DPY19L3: variants seen among roughly 807,000 people sequenced by gnomAD.
DPY19L3 encodes protein C-mannosyl-transferase DPY19L3.
DPY19L3 carries 51 observed loss-of-function variants against 92.3 expected under a neutral mutation model. The observed-to-expected ratio is 0.55, with a 90% CI of 0.44 to 0.70. The LOEUF (loss-of-function observed/expected upper bound fraction) is 0.70. DPY19L3 is among the 30% of genes least tolerant of loss of function. DPY19L3 has a pLI of 0.00. For missense variants in DPY19L3, 706 were observed against 855.9 expected, an observed-to-expected ratio of 0.82 and a Z score of 2.18; for synonymous variants, 309 against 315.2, an observed-to-expected ratio of 0.98 and a Z score of 0.21.
At chr19:32,479,816 A>AC (rs1970619729) in intron 17 of DPY19L3, among the ~76,000 whole-genome samples, 1 of 152,124 alleles carries the variant, frequency 6.6e-6, no homozygotes, top group African/African-American at 2.4e-5. Context: ...AGTGGCTCTC[A>AC]CCCCTAGGAT....
chr19:32,417,041 C>G (rs1216230385), intron 3 of DPY19L3, among the ~76,000 whole-genome samples: 1 of 152,206 alleles, frequency 6.6e-6, no homozygotes, highest in African/African-American at 2.4e-5. Context: ...TCTGAAGAAC[C>G]TACCATGAAT....
chr19:32,474,262 T>C (rs932465780), intron 16 of DPY19L3, among the ~76,000 whole-genome samples: 8 of 152,244 alleles, frequency 5.3e-5, no homozygotes, highest in African/African-American at 1.7e-4. Flanking sequence ...TTTCTGACTT[T>C]TTGCTAATAA....
chr19:32,452,979 T>G (rs1178221610), intron 8 of DPY19L3, among the ~76,000 whole-genome samples, 166 bp from the exon 9 acceptor site: 1 of 151,986 alleles, frequency 6.6e-6, no homozygotes, highest in Non-Finnish European at 1.5e-5. Flanking sequence ...AGTGCTGAGA[T>G]TACAGATGTG....
At chr19:32,464,570 C>T (rs1432235255) in intron 14 of DPY19L3, among the ~76,000 whole-genome samples, 158 bp from the exon 15 acceptor site, 1 of 152,138 alleles carries the variant, frequency 6.6e-6, no homozygotes, top group Non-Finnish European at 1.5e-5. Flanking sequence ...GGCACAGTGG[C>T]TCACTCCTAT....
At chr19:32,445,865 A>G (rs1471560551) in intron 8 of DPY19L3, among the ~76,000 whole-genome samples, 1 of 151,858 alleles carries the variant, frequency 6.6e-6, no homozygotes, top group African/African-American at 2.4e-5. Context: ...GCCAGGTGTG[A>G]TGATGGGTGC....
In DPY19L3 at chr19:32,437,246, C is replaced by G. The variant is rs1401664741; in HGVS notation, c.503C>G (p.Ala168Gly). 1 of 1,613,854 alleles carries G rather than the reference C, an allele frequency of 6.2e-7. No homozygotes were observed. Among genetic ancestry groups the G allele is most frequent in the African/African-American group, 1.3e-5 (1 of 74,858 alleles). ...ATTTACACCTTATTTGGGCTCCAGG[C>G]GATCTATGTCACAGCTCTCTACATA... is the stretch of plus-strand genomic sequence containing the variant. Reference protein sequence around the residue: ...FYIYTLFGLQAIYVTALYITS... With the variant: ...FYIYTLFGLQGIYVTALYITS... Residue 168 changes from alanine to glycine, a missense_variant, in exon 6 of 19, where the codon GCG becomes GGG. By Grantham distance (60) the Ala-to-Gly change is moderately conservative. Coordinates refer to ENST00000392250, the MANE Select transcript of DPY19L3 (RefSeq NM_001172774.2).
At chr19:32,409,150 A>G (rs1968088908) in intron 2 of DPY19L3, among the ~76,000 whole-genome samples, 1 of 152,224 alleles carries the variant, frequency 6.6e-6, no homozygotes, top group South Asian at 2.1e-4. Flanking sequence ...CGTTTTGGAT[A>G]ATAGTACTTT....
intron 3 of DPY19L3, chr19:32,413,180 A>G (rs1415701385): frequency 6.6e-6 from 1 of 152,170 alleles, no homozygotes; most frequent in African/African-American, 2.4e-5. Context: ...AACACCTTCA[A>G]AGCCAAAGAT....
At chr19:32,472,747 C>T (rs1970395756) in intron 16 of DPY19L3, among the ~76,000 whole-genome samples, 1 of 152,110 alleles carries the variant, frequency 6.6e-6, no homozygotes, top group Non-Finnish European at 1.5e-5. Context: ...ATAGGCATAT[C>T]TATATATTTG....
intron 3 of DPY19L3, among the ~76,000 whole-genome samples, chr19:32,429,418 AT>A (rs1968885923): frequency 6.6e-6 from 1 of 152,246 alleles, no homozygotes; most frequent in African/African-American, 2.4e-5. Context: ...CATGAAGCAG[AT>A]GTAAAACTTG....
intron 16 of DPY19L3, among the ~76,000 whole-genome samples, chr19:32,469,516 AAAAAG>A (rs953918892): frequency 5.9e-5 from 9 of 151,994 alleles, no homozygotes; most frequent in Non-Finnish European, 1.0e-4. Flanking sequence ...AAAAGAAAGA[AAAAAG>A]AAAAAATATT....
rs181265924 is a variant in DPY19L3, at chr19:32,477,404, T to C, written c.1698-118T>C. The stretch of plus-strand genomic sequence containing the variant: ...GAAGCAAACTCCCGTTTTTTTTCCC[T>C]GACTCGTAACACTTGGTAACATAGC... On this transcript the variant is annotated intron_variant, in intron 16 of 18. Coordinates refer to ENST00000392250, the MANE Select transcript of DPY19L3 (RefSeq NM_001172774.2). 1,344 of 1,344,164 alleles carry C rather than the reference T, an allele frequency of 1.0e-3. 11 individuals carry two copies. The African/African-American group carries it at 0.018, about 18-fold the overall frequency. The allele number at this position is 1,344,164 out of a possible 1,614,324, so 83.3% of individuals were successfully genotyped here. A position where few individuals can be genotyped will look rare whatever the true frequency, so the allele number is the denominator to read the frequency against.
chr19:32,460,687 C>T (rs994939072), intron 12 of DPY19L3, among the ~76,000 whole-genome samples: 4 of 152,154 alleles, frequency 2.6e-5, no homozygotes, highest in South Asian at 2.1e-4. Context: ...TATAATCTTA[C>T]GAATCCACTG....
chr19:32,464,036 C>G, intron 14 of DPY19L3, 56 bp downstream of exon 14: 1 of 1,216,046 alleles, frequency 8.2e-7, no homozygotes, highest in Non-Finnish European at 1.2e-6. Context: ...TTCTTTCATA[C>G]CACTTCTTTT....
intron 15 of DPY19L3, among the ~76,000 whole-genome samples, chr19:32,465,567 A>T (rs1970176183): frequency 1.3e-5 from 2 of 152,196 alleles, no homozygotes; most frequent in Non-Finnish European, 2.9e-5. Flanking sequence ...TACTGTGTAG[A>T]ACCCCTGATT....
chr19:32,422,782 T>G (rs1473181746), intron 3 of DPY19L3, among the ~76,000 whole-genome samples: 1 of 152,046 alleles, frequency 6.6e-6, no homozygotes, highest in Non-Finnish European at 1.5e-5. Context: ...CAGGATAGAG[T>G]TCTCTGAAGT....
At chr19:32,457,384 G>T (rs1414902831) in intron 10 of DPY19L3, among the ~76,000 whole-genome samples, 1 of 152,110 alleles carries the variant, frequency 6.6e-6, no homozygotes, top group Admixed American at 6.5e-5. Context: ...CTCCCTGTTT[G>T]CATTTGCTGC....
chr19:32,423,832 T>C (rs1663319172), intron 3 of DPY19L3, among the ~76,000 whole-genome samples: 1 of 151,768 alleles, frequency 6.6e-6, no homozygotes, highest in Non-Finnish European at 1.5e-5. Context: ...CTGGGCAACA[T>C]GGTGAAACCC....
intron 3 of DPY19L3, among the ~76,000 whole-genome samples, chr19:32,422,491 CTG>C (rs1968604158): frequency 6.6e-6 from 1 of 151,968 alleles, no homozygotes; most frequent in African/African-American, 2.4e-5. Flanking sequence ...TTGGACAGGA[CTG>C]AGAGAGGTCA....
Sources: allele counts gnomAD v4.1 joint callset (sites outside exome capture counted in the v4.1 genomes callset), GRCh38; gene constraint gnomAD v4.1.1; transcripts MANE v1.5; gene names NCBI Gene and HGNC (gene_info 2026-07-23, HGNC 2026-07-21).